GNRHR: variants seen among roughly 807,000 people sequenced by gnomAD.
The protein encoded by GNRHR is gonadotropin releasing hormone receptor, also known as gonadotropin-releasing hormone receptor.
Under a neutral mutation model 28.1 loss-of-function variants are expected in GNRHR, and 14 were observed. The observed-to-expected ratio is 0.50, with a 90% CI of 0.33 to 0.78. The LOEUF (loss-of-function observed/expected upper bound fraction) is 0.78, where lower values mean the gene tolerates loss of function less well. Among genes scored for constraint, GNRHR ranks in the 30% least tolerant of loss-of-function variants. GNRHR has a pLI of 0.02. For synonymous variants in GNRHR, 141 were observed against 140.5 expected, an observed-to-expected ratio of 1.00 and a Z score of -0.02; for missense variants, 366 against 382.1, an observed-to-expected ratio of 0.96 and a Z score of 0.35.
chr4:67,749,685 CCTTTCCTTCGTTCCTTCCTT>C (rs1241250699), intron 1 of GNRHR, among the ~76,000 whole-genome samples: 3 of 151,092 alleles, frequency 2.0e-5, no homozygotes, highest in Non-Finnish European at 3.0e-5. Context: ...CTCCCTGCCT[CCTTTCCTTCGTTCCTTCCTT>C]CTTTCCTTCC....
rs1731581134 is a variant in GNRHR, at chr4:67,738,001, A to G, written c.*2479T>C. 6.6e-6 allele frequency among the ~76,000 whole-genome samples: 1 copy of G among 151,660 alleles called. No individual in the cohort carries two copies. Among genetic ancestry groups the G allele is most frequent in the Non-Finnish European group, 1.5e-5 (1 of 67,754 alleles). On this transcript the variant is annotated 3_prime_UTR_variant, in exon 3 of 3. Transcript: ENST00000226413. ...TTTTGTGCCATAAATTTTAGTTTAT[A>G]TATTACATTATAATGTATAGATTAT...
Position 67,740,633 on chromosome 4 carries a change from G to A in GNRHR, c.834C>T (p.Val278=). The change falls in exon 3 of 3, where the codon GTC becomes GTT. Residue 278 remains valine, a synonymous_variant. Coordinates refer to ENST00000226413, the MANE Select transcript of GNRHR (RefSeq NM_000406.3). ...MTVAFATSFT[V]CWTPYYVLGI... is the part of the protein sequence containing the mutation. ...CTAGGACATAGTAGGGAGTCCAGCA[G>A]ACAGTAAATGAAGTGGCAAATGCAA... 1 of 1,611,858 alleles carries A rather than the reference G, an allele frequency of 6.2e-7. No homozygotes were observed. Among genetic ancestry groups the A allele is most frequent in the Non-Finnish European group, 8.5e-7 (1 of 1,177,936 alleles).
intron 1 of GNRHR, 34 bp downstream of exon 1, chr4:67,753,780 C>T: frequency 6.5e-7 from 1 of 1,547,402 alleles, no homozygotes. Flanking sequence ...TCTATGATCA[C>T]CATATCCAAA....
chr4:67,749,621 C>G (rs931404066), intron 1 of GNRHR, among the ~76,000 whole-genome samples: 3 of 151,884 alleles, frequency 2.0e-5, no homozygotes, highest in African/African-American at 7.2e-5. Context: ...TTCCCTCCTT[C>G]GTTTTTCTTT....
At chr4:67,749,770 T>C (rs961940902) in intron 1 of GNRHR, among the ~76,000 whole-genome samples, 2 of 152,020 alleles carry the variant, frequency 1.3e-5, no homozygotes, top group Admixed American at 6.6e-5. Context: ...AGACTTGAAT[T>C]ACTGTGCTCT....
rs190007287 is a variant in GNRHR, at chr4:67,739,614, C to G, written c.*866G>C. 6.6e-6 allele frequency: 1 copy of G among 151,972 alleles called. No individual in the cohort carries two copies. Among genetic ancestry groups the G allele is most frequent in the Non-Finnish European group, 1.5e-5 (1 of 67,922 alleles). The allele number at this position is 151,972 out of a possible 1,614,324, so 9.4% of individuals were successfully genotyped here. A position where few individuals can be genotyped will look rare whatever the true frequency, so the allele number is the denominator to read the frequency against. Reference sequence around the variant, plus strand: ...TTATGAAATATGGATTTAGTAAGATCAGGAGAGAGACAAAAAATTCTTCAC... The same window carrying G: ...TTATGAAATATGGATTTAGTAAGATGAGGAGAGAGACAAAAAATTCTTCAC... On this transcript the variant is annotated 3_prime_UTR_variant, in exon 3 of 3. Transcript: ENST00000226413.
Position 67,754,287 on chromosome 4 carries a change from T to G in GNRHR, c.49A>C (p.Ile17Leu). 3.1e-6 allele frequency: 5 copies of G among 1,613,068 alleles called. No homozygotes were observed. The highest frequency in any genetic ancestry group is 4.2e-6 in the Non-Finnish European group (5 of 1,179,704). The change falls in exon 1 of 3, where the codon ATC (isoleucine) becomes CTC (leucine). Residue 17 changes from isoleucine to leucine, a missense_variant. Coordinates refer to ENST00000226413, the MANE Select transcript of GNRHR (RefSeq NM_000406.3). ...TGCATCAGTGGGATGCTGTTGTTGA[T>G]GGCTGAACAGTGATTTTGATTCTGT... The part of the protein sequence containing the change: ...PEQNQNHCSA[I>L]NNSIPLMQGN...
intron 1 of GNRHR, 116 bp downstream of exon 1, chr4:67,753,698 C>T: frequency 1.1e-6 from 1 of 909,844 alleles, no homozygotes; most frequent in Non-Finnish European, 1.7e-6. Flanking sequence ...TCTCTGACTT[C>T]CAGAACCCAA....
rs748908845 is a variant in GNRHR at position 67,754,269 on chromosome 4, G to A, written c.67C>T (p.Leu23=). ...HCSAINNSIP[L]MQGNLPTLTL... The stretch of plus-strand genomic sequence containing the variant: ...AGAGTGGGGAGGTTGCCCTGCATCA[G>A]TGGGATGCTGTTGTTGATGGCTGAA... Residue 23 remains leucine, a synonymous_variant, in exon 1 of 3, where the codon CTG becomes TTG. Coordinates refer to ENST00000226413, the MANE Select transcript of GNRHR (RefSeq NM_000406.3). The A allele has an allele frequency of 6.2e-7, 1 of 1,612,418 alleles. No individual in the cohort carries two copies. Among genetic ancestry groups the A allele is most frequent in the African/African-American group, 1.3e-5 (1 of 74,916 alleles).
intron 1 of GNRHR, among the ~76,000 whole-genome samples, chr4:67,750,387 A>AT (rs1731844317): frequency 2.0e-5 from 3 of 152,138 alleles, no homozygotes; most frequent in Admixed American, 1.3e-4. Flanking sequence ...TTTGTACAGG[A>AT]TTTTTTGTAC....
intron 1 of GNRHR, among the ~76,000 whole-genome samples, chr4:67,747,858 A>T (rs551300389): frequency 6.6e-6 from 1 of 152,284 alleles, no homozygotes; most frequent in South Asian, 2.1e-4. Flanking sequence ...GTAATACAAG[A>T]TAGACCAATA....
rs779496235 is a variant in GNRHR at position 67,754,217 on chromosome 4, G to A, written c.119C>T (p.Thr40Met). 2.7e-5 allele frequency: 43 copies of A among 1,614,000 alleles called. No homozygotes were observed. The highest frequency in any genetic ancestry group is 3.3e-4 in the Middle Eastern group (2 of 6,062). ...TLTLSGKIRVTVTFFLFLLSA... is the reference protein window; with the variant it reads ...TLTLSGKIRVMVTFFLFLLSA... Reference sequence around the variant, plus strand: ...GAGCAGAAAAAGGAAGAAAGTAACCGTCACTCGGATCTTTCCAGACAAGGT... The same window carrying A: ...GAGCAGAAAAAGGAAGAAAGTAACCATCACTCGGATCTTTCCAGACAAGGT... Residue 40 changes from threonine to methionine, a missense_variant, in exon 1 of 3, where the codon ACG becomes ATG. Coordinates refer to ENST00000226413, the MANE Select transcript of GNRHR (RefSeq NM_000406.3).
At chr4:67,746,293 A>G (rs1282926369) in intron 1 of GNRHR, among the ~76,000 whole-genome samples, 1 of 152,142 alleles carries the variant, frequency 6.6e-6, no homozygotes, top group Non-Finnish European at 1.5e-5. Context: ...GTATCCAGAA[A>G]TATGTATGAT....
chr4:67,745,175 C>T (rs182550265), intron 1 of GNRHR, among the ~76,000 whole-genome samples: 23 of 151,864 alleles, frequency 1.5e-4, no homozygotes, highest in Non-Finnish European at 2.7e-4. Context: ...CCCCAAAATA[C>T]ATATTTAAAT....
At chr4:67,750,262 G>A (rs2109986126) in intron 1 of GNRHR, among the ~76,000 whole-genome samples, 1 of 152,162 alleles carries the variant, frequency 6.6e-6, no homozygotes, top group East Asian at 1.9e-4. Context: ...GAGATAGGAA[G>A]TCTTTAGTAA....
In GNRHR at chr4:67,754,143, G is replaced by A; in HGVS notation, c.193C>T (p.Gln65Ter). ...AGCTTTTTCCCTTTCTCTTTCTTCTGTGTCCACTTCTGAAGTTTCAACAAG... is the reference window on the plus strand; with the variant it reads ...AGCTTTTTCCCTTTCTCTTTCTTCTATGTCCACTTCTGAAGTTTCAACAAG... ...SFLLKLQKWT[Q>*]KKEKGKKLSR... Residue 65 changes from glutamine to a stop codon, truncating the protein, a stop_gained, in exon 1 of 3, where the codon CAG becomes TAG. Coordinates refer to ENST00000226413, the MANE Select transcript of GNRHR (RefSeq NM_000406.3). LOFTEE classifies it high-confidence loss of function. 2 of 1,613,782 alleles carry A rather than the reference G, an allele frequency of 1.2e-6. No homozygotes were observed. Among genetic ancestry groups the A allele is most frequent in the East Asian group, 2.2e-5 (1 of 44,876 alleles).
In GNRHR at chr4:67,744,799, A is replaced by G. The variant is rs776084473; in HGVS notation, c.523-12T>C. ...CTGAAGATGTATAACTGTATGAGAC[A>G]ATAAAAAGCTATGTTACTTTTTTCC... On this transcript the variant is annotated splice_polypyrimidine_tract_variant and intron_variant, in intron 1 of 2. Coordinates refer to ENST00000226413, the MANE Select transcript of GNRHR (RefSeq NM_000406.3). The G allele has an allele frequency of 8.5e-6, 12 of 1,416,586 alleles. No homozygotes were observed. The allele number at this position is 1,416,586 out of a possible 1,614,324, so 87.8% of individuals were successfully genotyped here. A position where few individuals can be genotyped will look rare whatever the true frequency, so the allele number is the denominator to read the frequency against.
chr4:67,751,461 T>A (rs983030135), intron 1 of GNRHR, among the ~76,000 whole-genome samples: 3 of 152,200 alleles, frequency 2.0e-5, no homozygotes, highest in African/African-American at 7.2e-5. Context: ...TTTTACAAAA[T>A]AAAATAACAC....
intron 1 of GNRHR, among the ~76,000 whole-genome samples, chr4:67,750,641 C>A (rs1414605544): frequency 6.6e-6 from 1 of 151,788 alleles, no homozygotes; most frequent in Non-Finnish European, 1.5e-5. Context: ...TCATTCTGAG[C>A]TGAGGCAAAA....
Sources: gnomAD v4.1 joint callset for allele counts (sites outside exome capture counted in the v4.1 genomes callset) on GRCh38, gnomAD v4.1.1 for gene constraint, MANE v1.5 for transcripts, NCBI Gene and HGNC (gene_info 2026-07-23, HGNC 2026-07-21) for gene names.